Variants in AFAP1L1 observed in about 807,000 individuals in gnomAD.
AFAP1L1 encodes actin filament-associated protein 1-like 1.
In AFAP1L1, 77 loss-of-function variants were observed where a neutral mutation model predicts 99.8. The observed-to-expected ratio is 0.77, with a 90% CI of 0.64 to 0.93. The LOEUF (loss-of-function observed/expected upper bound fraction) is 0.93, where lower values mean the gene tolerates loss of function less well. Among genes scored for constraint, AFAP1L1 ranks in the 40% least tolerant of loss-of-function variants. The probability of loss-of-function intolerance (pLI) is 0.00; values close to 1 mark genes in which losing one functional copy is unlikely to be tolerated. For synonymous variants in AFAP1L1, 373 were observed against 395.3 expected, an observed-to-expected ratio of 0.94 and a Z score of 0.67; for missense variants, 893 against 996.8, an observed-to-expected ratio of 0.90 and a Z score of 1.40.
chr5:149,287,966 T>C (rs1348893139), intron 1 of AFAP1L1, among the ~76,000 whole-genome samples: 3 of 152,196 alleles, frequency 2.0e-5, no homozygotes, highest in Non-Finnish European at 4.4e-5. Flanking sequence ...TTGGCTGTTA[T>C]TATTAGATAG....
intron 7 of AFAP1L1, among the ~76,000 whole-genome samples, chr5:149,309,362 A>G (rs1171435042): frequency 6.6e-6 from 1 of 152,176 alleles, no homozygotes; most frequent in Non-Finnish European, 1.5e-5. Flanking sequence ...TCCTAGAATA[A>G]ACCCCACTTG....
intron 3 of AFAP1L1, among the ~76,000 whole-genome samples, chr5:149,300,669 G>A (rs1352657082): frequency 1.3e-5 from 2 of 152,262 alleles, no homozygotes; most frequent in Non-Finnish European, 2.9e-5. Context: ...GAGCGATGCA[G>A]TGGCTCAGCA....
intron 7 of AFAP1L1, 51 bp from the exon 8 acceptor site, chr5:149,309,905 T>C: frequency 6.2e-7 from 1 of 1,612,768 alleles, no homozygotes; most frequent in Non-Finnish European, 8.5e-7. Context: ...GATGTCTCCC[T>C]CCTCTACCCT....
rs529965960 is a variant in AFAP1L1, at chr5:149,292,244, T to G, written c.17-7265T>G. ...TTAATTACTCACTTGTCTTTTGTTA[T>G]GAACTCATTATCTTTGCGATCTCTA... On this transcript the variant is annotated intron_variant, in intron 1 of 18. Coordinates refer to ENST00000296721, the MANE Select transcript of AFAP1L1 (RefSeq NM_152406.4). Among the ~76,000 whole-genome samples, 22 of 152,362 alleles carry G rather than the reference T, an allele frequency of 1.4e-4. No individual in the cohort carries two copies. The South Asian group carries it at 4.1e-3, about 29-fold the overall frequency.
chr5:149,331,922 G>A (rs1757269452), intron 16 of AFAP1L1, among the ~76,000 whole-genome samples: 2 of 152,110 alleles, frequency 1.3e-5, no homozygotes, highest in East Asian at 1.9e-4. Flanking sequence ...AACCCAAGCA[G>A]AGAGAGCTTC....
intron 4 of AFAP1L1, among the ~76,000 whole-genome samples, chr5:149,301,752 G>T (rs1756223306): frequency 6.6e-6 from 1 of 152,188 alleles, no homozygotes; most frequent in African/African-American, 2.4e-5. Flanking sequence ...TGGAATTAGA[G>T]CAAGGGGCTC....
chr5:149,329,547 G>T (rs1328470433), intron 15 of AFAP1L1, 119 bp from the exon 16 acceptor site: 2 of 1,050,818 alleles, frequency 1.9e-6, no homozygotes, highest in Non-Finnish European at 2.7e-6. Flanking sequence ...AAGGGACTAG[G>T]TCTAAATATT....
At chr5:149,318,777 C>T (rs1053044219) in intron 12 of AFAP1L1, among the ~76,000 whole-genome samples, 1 of 152,202 alleles carries the variant, frequency 6.6e-6, no homozygotes, top group Non-Finnish European at 1.5e-5. Context: ...CAGAAAACTA[C>T]CTTCTGCCAT....
chr5:149,329,241 C>A (rs1333903862), intron 15 of AFAP1L1, among the ~76,000 whole-genome samples: 1 of 152,170 alleles, frequency 6.6e-6, no homozygotes, highest in Non-Finnish European at 1.5e-5. Context: ...TCTCATTTAA[C>A]CCTTACCACA....
At chr5:149,291,603 T>G (rs1431485674) in intron 1 of AFAP1L1, among the ~76,000 whole-genome samples, 2 of 148,128 alleles carry the variant, frequency 1.4e-5, no homozygotes, top group Non-Finnish European at 3.0e-5. Context: ...AAAAGGCTGC[T>G]CTTCCTTTCC....
Position 149,300,269 on chromosome 5 carries a change from A to C in AFAP1L1, c.146-2A>C. 4.3e-6 allele frequency: 7 copies of C among 1,611,314 alleles called. No homozygotes were observed. Among genetic ancestry groups the C allele is most frequent in the Non-Finnish European group, 5.9e-6 (7 of 1,178,564 alleles). Reference sequence around the variant, plus strand: ...CTGGCATGTCCCCCTTCTTCCTCACAGCAAAGGAGGTCTCCTACCTGTATG... The same window carrying C: ...CTGGCATGTCCCCCTTCTTCCTCACCGCAAAGGAGGTCTCCTACCTGTATG... On this transcript the variant is annotated splice_acceptor_variant, in intron 2 of 18. Transcript: ENST00000296721. LOFTEE classifies it high-confidence loss of function.
chr5:149,278,674 T>G (rs956919292), intron 1 of AFAP1L1, among the ~76,000 whole-genome samples: 2 of 152,208 alleles, frequency 1.3e-5, no homozygotes, highest in African/African-American at 4.8e-5. Flanking sequence ...GCAAGAAGAA[T>G]GACACCCATA....
At chr5:149,281,535 T>C (rs1373362217) in intron 1 of AFAP1L1, among the ~76,000 whole-genome samples, 1 of 152,214 alleles carries the variant, frequency 6.6e-6, no homozygotes, top group Non-Finnish European at 1.5e-5. Context: ...CCTAGGAGTA[T>C]CTTTTGTGCC....
rs1756160191 is a variant in AFAP1L1 at position 149,300,355 on chromosome 5, G to A, written c.229+1G>A. On this transcript the variant is annotated splice_donor_variant, in intron 3 of 18. Transcript: ENST00000296721. LOFTEE classifies it high-confidence loss of function. ...GTGGAATCCCTCTTTGAAGAATTTG[G>A]TAAGTGACCCTCTCCCAACCTCAGC... 1.2e-6 allele frequency: 2 copies of A among 1,612,206 alleles called. No homozygotes were observed. Among genetic ancestry groups the A allele is most frequent in the Non-Finnish European group, 1.7e-6 (2 of 1,179,084 alleles).
intron 1 of AFAP1L1, among the ~76,000 whole-genome samples, chr5:149,275,075 C>T (rs1038843980): frequency 3.3e-5 from 5 of 152,060 alleles, no homozygotes; most frequent in African/African-American, 4.8e-5. Context: ...TTGGTATTCA[C>T]GATAATAACT....
chr5:149,316,055 G>C, intron 10 of AFAP1L1, 96 bp from the exon 11 acceptor site: 1 of 1,581,258 alleles, frequency 6.3e-7, no homozygotes, highest in Non-Finnish European at 8.7e-7. Flanking sequence ...GGAGCTGCAG[G>C]CCCATCCTGT....
intron 1 of AFAP1L1, among the ~76,000 whole-genome samples, chr5:149,272,935 T>C (rs1755178821): frequency 6.6e-6 from 1 of 152,042 alleles, no homozygotes; most frequent in African/African-American, 2.4e-5. Context: ...GCTCCTGACC[T>C]CAGGTGATCA....
rs1756204327 is a variant in AFAP1L1 at position 149,301,349 on chromosome 5, C to T, written c.327+119C>T. On this transcript the variant is annotated intron_variant, in intron 4 of 18. Coordinates refer to ENST00000296721, the MANE Select transcript of AFAP1L1 (RefSeq NM_152406.4). Reference sequence around the variant, plus strand: ...CGGTTCTGGACCCTGTTGTCTCTCTCGGGTTGTGGGTGAGGGCACAGGCAG... The same window carrying T: ...CGGTTCTGGACCCTGTTGTCTCTCTTGGGTTGTGGGTGAGGGCACAGGCAG... 2.6e-5 allele frequency: 22 copies of T among 848,120 alleles called. No homozygotes were observed. In the South Asian group the frequency reaches 2.8e-4, roughly 11 times the overall value. The allele number at this position is 848,120 out of a possible 1,614,324, so 52.5% of individuals were successfully genotyped here.
chr5:149,288,574 A>G (rs1237592369), intron 1 of AFAP1L1, among the ~76,000 whole-genome samples: 3 of 152,176 alleles, frequency 2.0e-5, no homozygotes, highest in Admixed American at 6.5e-5. Context: ...AACAGCTGCC[A>G]TCTTGTGTGA....
Sources: allele counts gnomAD v4.1 joint callset (sites outside exome capture counted in the v4.1 genomes callset), GRCh38; gene constraint gnomAD v4.1.1; transcripts MANE v1.5; gene names NCBI Gene and HGNC (gene_info 2026-07-23, HGNC 2026-07-21).